The following GIGYF1 variants were observed in gnomAD, a reference collection of about 807,000 sequenced individuals.
GIGYF1 encodes the protein GRB10 interacting GYF protein 1, also known as GRB10-interacting GYF protein 1.
In GIGYF1, 84 loss-of-function variants were observed where a neutral mutation model predicts 147.1. The ratio of observed to expected loss-of-function variants is 0.57; its 90% confidence interval spans 0.48 to 0.68. GIGYF1 has a LOEUF of 0.68. Ranked by LOEUF, GIGYF1 falls within the 30% of genes least tolerant of loss-of-function variation. The pLI, the probability that GIGYF1 is intolerant of heterozygous loss-of-function variation, is 0.00. For synonymous variants in GIGYF1, 752 were observed against 589.5 expected (o/e 1.28, Z -3.99); for missense variants, 1,485 against 1,393.7 (o/e 1.07, Z -1.04).
chr7:100,680,616 G>C lies in GIGYF1; in HGVS notation c.*1103C>G, dbSNP rs1189857523. 1.3e-5 allele frequency: 2 copies of C among 152,358 alleles called. No homozygotes were observed. The highest frequency in any genetic ancestry group is 3.9e-4 in the East Asian group (2 of 5,162). The allele number at this position is 152,358 out of a possible 1,614,324, so 9.4% of individuals were successfully genotyped here. On this transcript the variant is annotated 3_prime_UTR_variant, in exon 27 of 27. Transcript: ENST00000678049. ...CAGAGCTGGGTGGTCCACATCTTAC[G>C]AGCTGGCTACAGGTTGGGGCCCCGG... is the stretch of plus-strand genomic sequence containing the variant.
In GIGYF1 at chr7:100,683,061, T is replaced by C; in HGVS notation, c.2363A>G (p.Gln788Arg). 8 of 1,577,508 alleles carry C rather than the reference T, an allele frequency of 5.1e-6. No individual in the cohort carries two copies. Among genetic ancestry groups the C allele is most frequent in the Non-Finnish European group, 6.8e-6 (8 of 1,168,112 alleles). Residue 788 changes from glutamine (Q) to arginine (R), a missense_variant, in exon 22 of 27, where the codon CAG becomes CGG. Transcript: ENST00000678049. ...CCGAGCTGGCTCCCGAGGTGGGGGC[T>C]GTTTGTGCAGCTGCCGCTCGCCCTC... is the stretch of plus-strand genomic sequence containing the variant. ...QLEGERQLHKQPPPREPARAQ... is the reference protein window; with the variant it reads ...QLEGERQLHKRPPPREPARAQ...
At chr7:100,687,117 C>T in intron 8 of GIGYF1, 71 bp from the exon 9 acceptor site, 25 of 1,592,028 alleles carry the variant, frequency 1.6e-5, no homozygotes, top group Non-Finnish European at 2.2e-5. Flanking sequence ...CCGCCCCATG[C>T]CTTGTCCACT....
At position 100,683,609 on chromosome 7, in the gene GIGYF1, T is replaced by C. The variant is rs1267710577; in HGVS notation, c.1993A>G (p.Ile665Val). Residue 665 changes from isoleucine (I) to valine (V), a missense_variant, in exon 20 of 27, where the codon ATA becomes GTA. Coordinates refer to ENST00000678049, the MANE Select transcript of GIGYF1 (RefSeq NM_001375765.1). ...QSGGEASLWD[I>V]PINSSTQGPI... is the part of the protein sequence containing the mutation. ...CCCTGAGTCGAAGAGTTAATTGGTATGTCCCAAAGACTGGCCTCACCACCT... is the reference window on the plus strand; with the variant it reads ...CCCTGAGTCGAAGAGTTAATTGGTACGTCCCAAAGACTGGCCTCACCACCT... 1 of 1,614,074 alleles carries C rather than the reference T, an allele frequency of 6.2e-7. No homozygotes were observed. Among genetic ancestry groups the C allele is most frequent in the East Asian group, 2.2e-5 (1 of 44,900 alleles).
chr7:100,690,072 C>G (rs554283304), intron 1 of GIGYF1, among the ~76,000 whole-genome samples: 2 of 152,188 alleles, frequency 1.3e-5, no homozygotes, highest in Non-Finnish European at 2.9e-5. Flanking sequence ...TGTGAGTGTA[C>G]TTAGTAACAC....
Position 100,685,417 on chromosome 7 carries a change from G to A in GIGYF1, c.1119C>T (p.Pro373=). ...TTGTCCCCCAGAGTGGGCCCAGGGT[G>A]GGCAGTGGGGATGGGGAGCTGGACT... ...EEKSSSPSPL[P]TLGPLWGTNG... is the part of the protein sequence containing the mutation. The change falls in exon 13 of 27, where the codon CCC becomes CCT. Residue 373 remains proline, a synonymous_variant. Coordinates refer to ENST00000678049, the MANE Select transcript of GIGYF1 (RefSeq NM_001375765.1). The A allele has an allele frequency of 4.4e-6, 7 of 1,588,210 alleles. No homozygotes were observed. The highest frequency in any genetic ancestry group is 6.0e-6 in the Non-Finnish European group (7 of 1,173,912).
chr7:100,687,798 TCA>T lies in GIGYF1; in HGVS notation c.249_250del (p.Glu84GlyfsTer46), dbSNP rs761997321. 1 of 1,611,990 alleles carries T rather than the reference TCA, an allele frequency of 6.2e-7. No individual in the cohort carries two copies. ...CTGGCCCGGTCCCACCTGTTCCTCC[TCA>T]GTCAGCGGCTCCAGAGCCAGGGGCT... On this transcript the variant is annotated frameshift_variant, in exon 6 of 27. Transcript: ENST00000678049. LOFTEE classifies it high-confidence loss of function.
At chr7:100,684,986 T>TGGGGCC in intron 14 of GIGYF1, 63 bp downstream of exon 14, 1 of 1,562,420 alleles carries the variant, frequency 6.4e-7, no homozygotes. Context: ...GGGCCGGGGC[T>TGGGGCC]GGGGCCAAGC....
chr7:100,688,227 C>A lies in GIGYF1; in HGVS notation c.12G>T (p.Glu4Asp). Residue 4 changes from glutamate to aspartate, a missense_variant, in exon 4 of 27, where the codon GAG becomes GAT. Glu to Asp is a conservative substitution (Grantham distance 45). Transcript: ENST00000678049. ...ACCACTCAGGCCCAAAGTTGAGTGTCTCTGCTGCCATCGTGGGGCTGGGCG... is the reference window on the plus strand; with the variant it reads ...ACCACTCAGGCCCAAAGTTGAGTGTATCTGCTGCCATCGTGGGGCTGGGCG... The part of the protein sequence containing the change: MAA[E>D]TLNFGPEWLR... The A allele has an allele frequency of 6.2e-7, 1 of 1,612,100 alleles. No homozygotes were observed. Among genetic ancestry groups the A allele is most frequent in the East Asian group, 2.2e-5 (1 of 44,826 alleles).
chr7:100,686,829 G>T lies in GIGYF1; in HGVS notation c.524-10C>A. ...TCAAAGCCACATCGTGCTGGGAGACGGGAAGACAGGGGCAGTTATTAGAAA... is the reference window on the plus strand; with the variant it reads ...TCAAAGCCACATCGTGCTGGGAGACTGGAAGACAGGGGCAGTTATTAGAAA... On this transcript the variant is annotated splice_polypyrimidine_tract_variant and intron_variant, in intron 9 of 26. Coordinates refer to ENST00000678049, the MANE Select transcript of GIGYF1 (RefSeq NM_001375765.1). 6.2e-7 allele frequency: 1 copy of T among 1,613,310 alleles called. No homozygotes were observed. Among genetic ancestry groups the T allele is most frequent in the Non-Finnish European group, 8.5e-7 (1 of 1,179,612 alleles).
In GIGYF1 at chr7:100,689,229, C is replaced by G. The variant is rs945474097; in HGVS notation, c.-772G>C. ...TGGTTTCCCCCACAGGAATCACACC[C>G]AGACCACCGCCCCCAATCAATAATG... On this transcript the variant is annotated 5_prime_UTR_variant, in exon 2 of 27. Coordinates refer to ENST00000678049, the MANE Select transcript of GIGYF1 (RefSeq NM_001375765.1). The G allele has an allele frequency of 3.3e-5, 5 of 152,314 alleles. No individual in the cohort carries two copies. The highest frequency in any genetic ancestry group is 1.2e-4 in the African/African-American group (5 of 41,420). 9.4% of individuals were successfully genotyped at this position (152,314 alleles called of 1,614,324 possible).
rs2131374787 is a variant in GIGYF1 at position 100,684,015 on chromosome 7, C to G, written c.1868+5G>C. The G allele has an allele frequency of 6.2e-7, 1 of 1,603,578 alleles. No homozygotes were observed. Among genetic ancestry groups the G allele is most frequent in the Middle Eastern group, 1.7e-4 (1 of 6,054 alleles). ...GTATCCTGAGGGCTCGCACGCACCA[C>G]GCACCTGGGGGGTTTGAGCGCCTGG... On this transcript the variant is annotated splice_donor_5th_base_variant and intron_variant, in intron 18 of 26. Coordinates refer to ENST00000678049, the MANE Select transcript of GIGYF1 (RefSeq NM_001375765.1).
At position 100,683,337 on chromosome 7, in the gene GIGYF1, C is replaced by A. The variant is rs1221711731; in HGVS notation, c.2160G>T (p.Arg720=). The change falls in exon 21 of 27, where the codon CGG becomes CGT. Residue 720 remains arginine, a synonymous_variant. Coordinates refer to ENST00000678049, the MANE Select transcript of GIGYF1 (RefSeq NM_001375765.1). ...GCCGAAACAGCTCTTCCTCCTCCTG[C>A]CGCCGCTTCTGCTCCTCCTGCTGCT... The part of the protein sequence containing the change: ...RQQQQEEQKR[R]QEEEELFRRK... 6.2e-7 allele frequency: 1 copy of A among 1,613,790 alleles called. No individual in the cohort carries two copies. The highest frequency in any genetic ancestry group is 1.1e-5 in the South Asian group (1 of 91,086).
chr7:100,686,537 A>G, intron 10 of GIGYF1, 104 bp from the exon 11 acceptor site: 2 of 1,514,696 alleles, frequency 1.3e-6, no homozygotes, highest in South Asian at 2.5e-5. Flanking sequence ...TGTCCCGGCC[A>G]CTCCCACACC....
chr7:100,681,864 C>G lies in GIGYF1; in HGVS notation c.3055G>C (p.Gly1019Arg). 2.5e-6 allele frequency: 4 copies of G among 1,612,582 alleles called. No individual in the cohort carries two copies. The highest frequency in any genetic ancestry group is 3.4e-6 in the Non-Finnish European group (4 of 1,179,682). ...LMLHSDPSIL[G>R]YSLHGSSGEI... Reference sequence around the variant, plus strand: ...CCGCTCCTGCCCCAGCCCAGCTCACCCAGGATGCTGGGGTCTGAGTGCAGC... The same window carrying G: ...CCGCTCCTGCCCCAGCCCAGCTCACGCAGGATGCTGGGGTCTGAGTGCAGC... The change falls in exon 26 of 27, where the codon GGG becomes CGG. Residue 1019 changes from glycine to arginine, a missense_variant and splice_region_variant. Physicochemically the swap from Gly to Arg is moderately radical, Grantham distance 125 (BLOSUM62 -2). Transcript: ENST00000678049.
At chr7:100,682,854 C>T in intron 22 of GIGYF1, 77 bp from the exon 23 acceptor site, 3 of 1,414,846 alleles carry the variant, frequency 2.1e-6, no homozygotes, top group Non-Finnish European at 1.9e-6. Flanking sequence ...GTTTAGGTGG[C>T]AAAGGGAGAC....
In GIGYF1 at chr7:100,686,416, C is replaced by T; in HGVS notation, c.712G>A (p.Ala238Thr). The change falls in exon 11 of 27, where the codon GCT becomes ACT. Residue 238 changes from alanine to threonine, a missense_variant. Ala to Thr is a moderately conservative substitution (Grantham distance 58). Transcript: ENST00000678049. ...CGTTCCCCATGTTCCCGCCAGCCAG[C>T]AGAGCGGGGACCACCATCTGCACAG... ...SASPDGGPRSAGWREHGERRR... is the reference protein window; with the variant it reads ...SASPDGGPRSTGWREHGERRR... 1 of 1,603,034 alleles carries T rather than the reference C, an allele frequency of 6.2e-7. No individual in the cohort carries two copies. The highest frequency in any genetic ancestry group is 8.5e-7 in the Non-Finnish European group (1 of 1,174,666).
In GIGYF1 at chr7:100,681,759, T is replaced by C. The variant is rs1804796520; in HGVS notation, c.3068A>G (p.His1023Arg). 1.3e-6 allele frequency: 2 copies of C among 1,588,078 alleles called. No homozygotes were observed. The highest frequency in any genetic ancestry group is 1.7e-6 in the Non-Finnish European group (2 of 1,166,074). ...GCTCTCGATCTCACCAGAAGATCCG[T>C]GCAGGGAGTACCCTGAAGCCGGGGA... ...SDPSILGYSL[H>R]GSSGEIESVD... Residue 1023 changes from histidine to arginine, a missense_variant, in exon 27 of 27, where the codon CAC becomes CGC. His to Arg is a conservative substitution (Grantham distance 29, BLOSUM62 0). Transcript: ENST00000678049.
chr7:100,686,521 GGCT>G, intron 10 of GIGYF1, 88 bp from the exon 11 acceptor site: 1 of 1,518,552 alleles, frequency 6.6e-7, no homozygotes, highest in South Asian at 1.3e-5. Context: ...GCACCTCCAG[GGCT>G]GCTGTCCCGG....
chr7:100,682,493 A>C lies in GIGYF1; in HGVS notation c.2601-11T>G, dbSNP rs768973349. The C allele has an allele frequency of 1.9e-6, 3 of 1,608,574 alleles. No individual in the cohort carries two copies. In the African/African-American group the frequency reaches 4.0e-5, roughly 22 times the overall value. On this transcript the variant is annotated splice_polypyrimidine_tract_variant and intron_variant, in intron 23 of 26. Transcript: ENST00000678049. ...TGGCTGTATGAGTCACTGAAGGGGG[A>C]GGGTGAGTCAGGGTTGGAAATCAGC...
Sources: allele counts gnomAD v4.1 joint callset (sites outside exome capture counted in the v4.1 genomes callset), GRCh38; gene constraint gnomAD v4.1.1; transcripts MANE v1.5; gene names NCBI Gene and HGNC (gene_info 2026-07-23, HGNC 2026-07-21).